Variants in PLEKHH1 observed in about 807,000 individuals in gnomAD.
The protein encoded by PLEKHH1 is pleckstrin homology domain-containing family H member 1.
A neutral mutation model predicts 160.0 loss-of-function variants in PLEKHH1; 104 were observed. That is an observed-to-expected ratio of 0.65 (90% CI 0.55 to 0.76). PLEKHH1 has a LOEUF of 0.76. PLEKHH1 is among the 30% of genes least tolerant of loss of function. The pLI, the probability that PLEKHH1 is intolerant of heterozygous loss-of-function variation, is 0.00. For synonymous variants in PLEKHH1, 619 were observed against 678.4 expected, an observed-to-expected ratio of 0.91 and a Z score of 1.36; for missense variants, 1,427 against 1,724.1, an observed-to-expected ratio of 0.83 and a Z score of 3.05.
At chr14:67,538,551 G>T (rs1348593340) in intron 1 of PLEKHH1, among the ~76,000 whole-genome samples, 1 of 152,226 alleles carries the variant, frequency 6.6e-6, no homozygotes, top group Non-Finnish European at 1.5e-5. Context: ...GTGAGGCTCA[G>T]CTTACTGGTA....
At chr14:67,564,931 TC>T (rs1436539843) in intron 7 of PLEKHH1, among the ~76,000 whole-genome samples, 1 of 152,070 alleles carries the variant, frequency 6.6e-6, no homozygotes, top group Non-Finnish European at 1.5e-5. Context: ...GCTCAGGTGG[TC>T]CTCCCACCTT....
chr14:67,569,058 T>C (rs909032962), intron 7 of PLEKHH1, 80 bp from the exon 8 acceptor site: 4 of 976,532 alleles, frequency 4.1e-6, no homozygotes, highest in Non-Finnish European at 6.4e-6. Context: ...CCCAAAGCCA[T>C]GCTTTTTCCT....
chr14:67,552,034 A>G (rs2034411919), intron 2 of PLEKHH1, among the ~76,000 whole-genome samples: 1 of 152,222 alleles, frequency 6.6e-6, no homozygotes, highest in South Asian at 2.1e-4. Flanking sequence ...ATTTCACAGC[A>G]TCTCACAGCG....
At chr14:67,554,910 T>C (rs937929117) in intron 2 of PLEKHH1, among the ~76,000 whole-genome samples, 2 of 152,138 alleles carry the variant, frequency 1.3e-5, no homozygotes, top group African/African-American at 4.8e-5. Flanking sequence ...ACAGAATTTT[T>C]ACTTTTTTAA....
At chr14:67,539,268 G>C (rs1457220128) in intron 1 of PLEKHH1, among the ~76,000 whole-genome samples, 1 of 152,174 alleles carries the variant, frequency 6.6e-6, no homozygotes, top group Non-Finnish European at 1.5e-5. Flanking sequence ...GCTCAGAGAA[G>C]GTCATGTTTT....
chr14:67,570,077 T>C, intron 9 of PLEKHH1, 65 bp downstream of exon 9: 2 of 1,123,490 alleles, frequency 1.8e-6, no homozygotes, highest in East Asian at 5.1e-5. Flanking sequence ...CATCATCCAA[T>C]GACTGGGGCG....
Position 67,576,359 on chromosome 14 carries a change from C to A in PLEKHH1, c.2353-36C>A. On this transcript the variant is annotated intron_variant, in intron 16 of 28. Transcript: ENST00000329153. This position sits in a 1 kb window ranked among gnomAD's most constrained non-coding sequence, Gnocchi z 4.0. ...GAGCTCTTGCCTCCACTCTTCCCAC[C>A]CCGTCCCCATCCGATGGCTTTCCGC... The A allele has an allele frequency of 8.2e-7, 1 of 1,220,660 alleles. No individual in the cohort carries two copies. The highest frequency in any genetic ancestry group is 1.2e-6 in the Non-Finnish European group (1 of 830,146). The allele number at this position is 1,220,660 out of a possible 1,614,324, so 75.6% of individuals were successfully genotyped here. A position where few individuals can be genotyped will look rare whatever the true frequency, so the allele number is the denominator to read the frequency against.
Position 67,577,421 on chromosome 14 carries a change from T to A in PLEKHH1, c.2574+7T>A. 6.5e-7 allele frequency: 1 copy of A among 1,547,634 alleles called. No homozygotes were observed. Among genetic ancestry groups the A allele is most frequent in the Non-Finnish European group, 8.8e-7 (1 of 1,138,166 alleles). On this transcript the variant is annotated splice_region_variant and intron_variant, in intron 18 of 28. Transcript: ENST00000329153. The stretch of plus-strand genomic sequence containing the variant: ...GGCCCTCAAGCTCTTCAAGGTAAAT[T>A]GGGGTGGCGGCCAGGCCCACCGCTG...
At chr14:67,549,327 A>G (rs915529739) in intron 2 of PLEKHH1, among the ~76,000 whole-genome samples, 2 of 151,520 alleles carry the variant, frequency 1.3e-5, no homozygotes, top group South Asian at 2.1e-4. Context: ...CTGGAGTGCA[A>G]TGGTGTGATC....
At chr14:67,575,729 C>T (rs770343387) in intron 15 of PLEKHH1, 94 bp from the exon 16 acceptor site, 85 of 946,350 alleles carry the variant, frequency 9.0e-5, no homozygotes, top group African/African-American at 3.3e-4. Context: ...TCCATATCCA[C>T]GATTCCCAGC....
At position 67,575,984 on chromosome 14, in the gene PLEKHH1, C is replaced by G. The variant is rs749952815; in HGVS notation, c.2331C>G (p.Leu777=). The G allele has an allele frequency of 5.6e-6, 9 of 1,612,686 alleles. No individual in the cohort carries two copies. Among genetic ancestry groups the G allele is most frequent in the Non-Finnish European group, 7.6e-6 (9 of 1,178,934 alleles). ...CAGAGCACAGCCCCACCTACCTCCT[C>G]ATTGGCACCAAGCATGAAAAGGTAA... The part of the protein sequence containing the change: ...HPTEHSPTYL[L]IGTKHEKDTW... Residue 777 remains leucine, a synonymous_variant, in exon 16 of 29, where the codon CTC becomes CTG. Coordinates refer to ENST00000329153, the MANE Select transcript of PLEKHH1 (RefSeq NM_020715.3).
rs2035544705 is a variant in PLEKHH1 at position 67,574,691 on chromosome 14, C to A, written c.2088+288C>A. ...AGGTCATTAGGGGCTGTCACCCACCCCCACCTTATACCTGCCTCAGTGTTA... is the reference window on the plus strand; with the variant it reads ...AGGTCATTAGGGGCTGTCACCCACCACCACCTTATACCTGCCTCAGTGTTA... On this transcript the variant is annotated intron_variant, in intron 14 of 28. Transcript: ENST00000329153. The surrounding 1 kb of genome is among the most constrained non-coding windows in gnomAD (Gnocchi z 4.2). Among the ~76,000 whole-genome samples, 3 of 152,094 alleles carry A rather than the reference C, an allele frequency of 2.0e-5. No homozygotes were observed. Among genetic ancestry groups the A allele is most frequent in the African/African-American group, 7.2e-5 (3 of 41,408 alleles).
At chr14:67,542,399 T>C (rs993791219) in intron 2 of PLEKHH1, among the ~76,000 whole-genome samples, 2 of 152,222 alleles carry the variant, frequency 1.3e-5, no homozygotes, top group African/African-American at 4.8e-5. Context: ...GGTGTTCTGC[T>C]TTCCTGGTAA....
chr14:67,555,693 C>T (rs3742868), intron 2 of PLEKHH1, 132 bp from the exon 3 acceptor site: 1,225,476 of 1,317,832 alleles, frequency 0.93, 571,035 homozygotes, highest in Non-Finnish European at 0.95. Context: ...CTGACACTCT[C>T]GAGCCACTTG....
At chr14:67,558,778 C>T (rs1014354315) in intron 4 of PLEKHH1, among the ~76,000 whole-genome samples, 4 of 152,266 alleles carry the variant, frequency 2.6e-5, no homozygotes, top group African/African-American at 7.2e-5. Context: ...CAGGGTTGGC[C>T]GACTTTTTCT....
At chr14:67,556,725 T>TA (rs1283148607) in intron 3 of PLEKHH1, among the ~76,000 whole-genome samples, 2 of 152,210 alleles carry the variant, frequency 1.3e-5, no homozygotes, top group African/African-American at 2.4e-5. Flanking sequence ...TTATCTGTTT[T>TA]AAAAAAATTT....
At chr14:67,572,562 A>G (rs2035440667) in intron 11 of PLEKHH1, among the ~76,000 whole-genome samples, 1 of 152,112 alleles carries the variant, frequency 6.6e-6, no homozygotes, top group Admixed American at 6.5e-5. Context: ...TTTTCCATAT[A>G]TGACTTTGTT....
chr14:67,579,248 T>C lies in PLEKHH1; in HGVS notation c.2964T>C (p.Arg988=), dbSNP rs2140514469. ...TGGAAGTGGTGTCCATCCTGCTGCG[T>C]AACCCCTTCCACCACTCCTTGCCCT... The part of the protein sequence containing the change: ...SRMEVVSILL[R]NPFHHSLPFS... Residue 988 remains arginine, a synonymous_variant, in exon 21 of 29, where the codon CGT becomes CGC. Coordinates refer to ENST00000329153, the MANE Select transcript of PLEKHH1 (RefSeq NM_020715.3). 6.2e-7 allele frequency: 1 copy of C among 1,605,630 alleles called. No homozygotes were observed. The highest frequency in any genetic ancestry group is 8.5e-7 in the Non-Finnish European group (1 of 1,176,782).
Position 67,579,803 on chromosome 14 carries a change from A to G in PLEKHH1, c.3110A>G (p.His1037Arg), listed in dbSNP as rs760502653. ...NQEIGMRKPS[H>R]SGFALFTDDP... ...GAGATAGGCATGAGAAAGCCATCCC[A>G]CTCTGGCTTTGCCCTCTTCACGGAC... Residue 1037 changes from histidine to arginine, a missense_variant, in exon 22 of 29, where the codon CAC becomes CGC. Around this residue, in one of 6 missense-constraint regions of PLEKHH1, gnomAD observed 436 missense variants for 607.5 expected, o/e 0.72. Coordinates refer to ENST00000329153, the MANE Select transcript of PLEKHH1 (RefSeq NM_020715.3). The G allele has an allele frequency of 1.9e-6, 3 of 1,610,446 alleles. No homozygotes were observed. Among genetic ancestry groups the G allele is most frequent in the Non-Finnish European group, 2.5e-6 (3 of 1,178,368 alleles).
Sources: gnomAD v4.1 joint callset for allele counts (sites outside exome capture counted in the v4.1 genomes callset) on GRCh38, gnomAD v4.1.1 for gene constraint, gnomAD v4.1.1 regional missense constraint, Gnocchi (gnomAD v3.1) non-coding constraint, MANE v1.5 for transcripts, NCBI Gene and HGNC (gene_info 2026-07-23, HGNC 2026-07-21) for gene names.